The following ELMO1 variants were observed in gnomAD, a reference collection of about 807,000 sequenced individuals.
The protein encoded by ELMO1 is engulfment and cell motility 1.
ELMO1 carries 26 observed loss-of-function variants against 98.9 expected under a neutral mutation model. That is an observed-to-expected ratio of 0.26 (90% confidence interval 0.19 to 0.36). The LOEUF (loss-of-function observed/expected upper bound fraction) is 0.36, where lower values mean the gene tolerates loss of function less well. Among genes scored for constraint, ELMO1 ranks in the 10% least tolerant of loss-of-function variants. ELMO1 has a pLI of 1.00. For missense variants in ELMO1, 627 were observed against 935.2 expected (o/e 0.67, Z 4.30); for synonymous variants, 346 against 346.0 (o/e 1.00, Z 0.00).
intron 5 of ELMO1, among the ~76,000 whole-genome samples, chr7:37,268,144 C>T (rs1451782958): frequency 6.6e-6 from 1 of 152,184 alleles, no homozygotes; most frequent in African/African-American, 2.4e-5. Flanking sequence ...AAATATGCTG[C>T]ATGCAACAGA....
intron 16 of ELMO1, among the ~76,000 whole-genome samples, chr7:36,972,101 A>T (rs890190938): frequency 6.6e-6 from 1 of 152,166 alleles, no homozygotes; most frequent in African/African-American, 2.4e-5. Context: ...CCGAGCACCA[A>T]GAGTTTTACA....
At chr7:37,063,308 T>C (rs1357305487) in intron 15 of ELMO1, among the ~76,000 whole-genome samples, 1 of 152,210 alleles carries the variant, frequency 6.6e-6, no homozygotes, top group Non-Finnish European at 1.5e-5. Context: ...TAAGCAGCTT[T>C]TGGTGACTAG....
rs1429906324 is a variant in ELMO1, at chr7:37,294,015, T to TA, written c.192+20834dup. ...ACTGCCCTTTTGACACCATAAAACT[T>TA]ACACTCTTGAATTTGTTATCTGATG... is the stretch of plus-strand genomic sequence containing the variant. On this transcript the variant is annotated intron_variant, in intron 4 of 21. Coordinates refer to ENST00000310758, the MANE Select transcript of ELMO1 (RefSeq NM_014800.11). Among the ~76,000 whole-genome samples, 9 of 152,286 alleles carry TA rather than the reference T, an allele frequency of 5.9e-5. No individual in the cohort carries two copies. In the South Asian group the frequency reaches 1.7e-3, roughly 28 times the overall value.
intron 13 of ELMO1, among the ~76,000 whole-genome samples, chr7:37,181,610 T>C (rs1403778466): frequency 6.6e-6 from 1 of 152,032 alleles, no homozygotes; most frequent in East Asian, 1.9e-4. Flanking sequence ...ATTCCACAAG[T>C]AAAGAAATTC....
intron 6 of ELMO1, among the ~76,000 whole-genome samples, chr7:37,258,625 T>A (rs1010555701): frequency 5.3e-5 from 8 of 152,200 alleles, no homozygotes; most frequent in Non-Finnish European, 1.0e-4. Flanking sequence ...AGGTAGTTAA[T>A]ACATGTTGAC....
chr7:37,036,453 C>T (rs2129190319), intron 15 of ELMO1, among the ~76,000 whole-genome samples: 1 of 152,322 alleles, frequency 6.6e-6, no homozygotes, highest in Middle Eastern at 3.4e-3. Context: ...TTACTGCAGC[C>T]TTGAACTCCT....
At chr7:37,313,659 G>T (rs1220919477) in intron 4 of ELMO1, among the ~76,000 whole-genome samples, 2 of 152,162 alleles carry the variant, frequency 1.3e-5, no homozygotes, top group Non-Finnish European at 2.9e-5. Context: ...AGGCCTTTGA[G>T]GCCTCTCTCC....
chr7:37,279,391 G>C (rs1797023746), intron 4 of ELMO1, among the ~76,000 whole-genome samples: 1 of 152,164 alleles, frequency 6.6e-6, no homozygotes, highest in South Asian at 2.1e-4. Flanking sequence ...AGCTCGCTTT[G>C]TGGATTTTAG....
At chr7:37,444,198 C>T (rs1196365146) in intron 1 of ELMO1, among the ~76,000 whole-genome samples, 2 of 152,168 alleles carry the variant, frequency 1.3e-5, no homozygotes, top group Admixed American at 1.3e-4. Flanking sequence ...ATCATGCATC[C>T]CAGCAGTGTG....
intron 13 of ELMO1, among the ~76,000 whole-genome samples, chr7:37,155,503 A>AAAAAAAAATAAT (rs61189239): frequency 1.5e-5 from 2 of 131,738 alleles, no homozygotes; most frequent in South Asian, 4.8e-4. Flanking sequence ...AAAAAAAAAA[A>AAAAAAAAATAAT]AAAAAGCAGG....
At chr7:36,879,874 G>A (rs1269627048) in intron 18 of ELMO1, among the ~76,000 whole-genome samples, 1 of 152,230 alleles carries the variant, frequency 6.6e-6, no homozygotes, top group Non-Finnish European at 1.5e-5. Flanking sequence ...GTTATTCTCT[G>A]AGTAATTCAC....
chr7:36,881,502 C>T (rs56023343), intron 18 of ELMO1, among the ~76,000 whole-genome samples: 3,422 of 152,260 alleles, frequency 0.022, 49 homozygotes, highest in Non-Finnish European at 0.034. Context: ...GCAGTGAGAA[C>T]ATTATCAAAG....
intron 8 of ELMO1, among the ~76,000 whole-genome samples, chr7:37,228,017 C>T (rs1176912197): frequency 6.6e-6 from 1 of 152,160 alleles, no homozygotes; most frequent in African/African-American, 2.4e-5. Flanking sequence ...GTGTAACACA[C>T]CTGGGGCACT....
intron 15 of ELMO1, among the ~76,000 whole-genome samples, chr7:37,040,799 G>A (rs35708118): frequency 0.088 from 13,372 of 152,182 alleles, 762 homozygotes; most frequent in African/African-American, 0.17. Context: ...ATATGGGGCT[G>A]GGCGTGGCAG....
At chr7:37,050,663 A>C (rs1428669235) in intron 15 of ELMO1, among the ~76,000 whole-genome samples, 1 of 135,058 alleles carries the variant, frequency 7.4e-6, no homozygotes, top group African/African-American at 2.8e-5. Flanking sequence ...CACACACAAA[A>C]GGTAACTATG....
chr7:37,125,301 T>A (rs1296372797), intron 14 of ELMO1, among the ~76,000 whole-genome samples: 1 of 152,024 alleles, frequency 6.6e-6, no homozygotes, highest in East Asian at 1.9e-4. Flanking sequence ...GTAATTAAAC[T>A]AAAGAGCTTC....
intron 15 of ELMO1, among the ~76,000 whole-genome samples, chr7:37,067,000 C>T (rs1797014753): frequency 1.3e-5 from 2 of 152,058 alleles, no homozygotes. Context: ...ATCAAAAGGA[C>T]TTAGGAGTAA....
At position 37,293,080 on chromosome 7, in the gene ELMO1, C is replaced by T. The variant is rs2130970340; in HGVS notation, c.193-21198G>A. 1.2e-4 allele frequency among the ~76,000 whole-genome samples: 2 copies of T among 16,708 alleles called. 1 individual carries two copies. Among genetic ancestry groups the T allele is most frequent in the African/African-American group, 1.6e-4 (2 of 12,132 alleles). 11.0% of individuals were successfully genotyped at this position (16,708 alleles called of 152,430 possible). A position where few individuals can be genotyped will look rare whatever the true frequency, so the allele number is the denominator to read the frequency against. On this transcript the variant is annotated intron_variant, in intron 4 of 21. Coordinates refer to ENST00000310758, the MANE Select transcript of ELMO1 (RefSeq NM_014800.11). ...CCCCCTGCCCGGCCAGCCGCCCCGT[C>T]CGGGAGGGAGGTGGGGGGGGGTCAG...
chr7:37,353,482 G>T (rs1200874947), intron 1 of ELMO1: 2 of 162,338 alleles, frequency 1.2e-5, no homozygotes, highest in Non-Finnish European at 2.6e-5. Context: ...TCGTGGTCTC[G>T]CTGGCTTCAA....
Sources: allele counts gnomAD v4.1 joint callset (sites outside exome capture counted in the v4.1 genomes callset), GRCh38; gene constraint gnomAD v4.1.1; transcripts MANE v1.5; gene names NCBI Gene and HGNC (gene_info 2026-07-23, HGNC 2026-07-21).